Variants in ARMH1 observed in about 807,000 individuals in gnomAD.
ARMH1 encodes armadillo-like helical domain containing protein 1.
ARMH1 carries 34 observed loss-of-function variants against 50.2 expected under a neutral mutation model. That is an observed-to-expected ratio of 0.68 (90% CI 0.51 to 0.90). The LOEUF (loss-of-function observed/expected upper bound fraction) is 0.90. Among genes scored for constraint, ARMH1 ranks in the 40% least tolerant of loss-of-function variants. The pLI, the probability that ARMH1 is intolerant of heterozygous loss-of-function variation, is 0.00. For missense variants in ARMH1, 538 were observed against 553.9 expected, an observed-to-expected ratio of 0.97 and a Z score of 0.29; for synonymous variants, 221 against 224.2, an observed-to-expected ratio of 0.99 and a Z score of 0.13.
chr1:44,704,060 C>T, intron 5 of ARMH1, 29 bp from the exon 6 acceptor site: 1 of 1,512,256 alleles, frequency 6.6e-7, no homozygotes, highest in Non-Finnish European at 8.9e-7. Context: ...AAAAGACTAA[C>T]CACCTTGTCC....
At chr1:44,715,404 G>C (rs576059251) in intron 6 of ARMH1, among the ~76,000 whole-genome samples, 2 of 152,124 alleles carry the variant, frequency 1.3e-5, no homozygotes, top group South Asian at 4.1e-4. Flanking sequence ...TGGTTTCTTC[G>C]TCTATTCAAT....
At chr1:44,687,620 C>G (rs539916157) in intron 1 of ARMH1, among the ~76,000 whole-genome samples, 4 of 152,286 alleles carry the variant, frequency 2.6e-5, no homozygotes, top group Non-Finnish European at 5.9e-5. Flanking sequence ...CCCAGTCTGA[C>G]TCCAGATCTC....
Position 44,724,613 on chromosome 1 carries a change from C to G in ARMH1, c.995C>G (p.Ala332Gly). Residue 332 changes from alanine to glycine, a missense_variant, in exon 9 of 12, where the codon GCC becomes GGC. Ala to Gly is a moderately conservative substitution (Grantham distance 60, BLOSUM62 0). Coordinates refer to ENST00000535358, the MANE Select transcript of ARMH1 (RefSeq NM_001145636.2). The surrounding 1 kb of genome is among the most constrained non-coding windows in gnomAD (Gnocchi z 6.4). ...CGCGTGGTGCGTGGCCTAATGGCCG[C>G]CATGGGCAACACGGACCACAGCAAC... ...YLRVVRGLMA[A>G]MGNTDHSNSQ... 6.6e-7 allele frequency: 1 copy of G among 1,515,182 alleles called. No individual in the cohort carries two copies. The highest frequency in any genetic ancestry group is 8.8e-7 in the Non-Finnish European group (1 of 1,134,846). 93.9% of individuals were successfully genotyped at this position (1,515,182 alleles called of 1,614,324 possible). A position where few individuals can be genotyped will look rare whatever the true frequency, so the allele number is the denominator to read the frequency against.
chr1:44,712,861 A>C (rs1404152104), intron 6 of ARMH1, among the ~76,000 whole-genome samples: 1 of 151,880 alleles, frequency 6.6e-6, no homozygotes, highest in African/African-American at 2.4e-5. Context: ...ACAGGGTTTC[A>C]CCGTGTTGGT....
intron 6 of ARMH1, among the ~76,000 whole-genome samples, chr1:44,710,221 T>G (rs565716928): frequency 1.3e-5 from 2 of 152,128 alleles, no homozygotes; most frequent in South Asian, 4.2e-4. Flanking sequence ...GAGAGACTGG[T>G]GGTCGCAAGA....
chr1:44,721,498 A>C (rs1209503770), intron 6 of ARMH1, among the ~76,000 whole-genome samples: 4 of 151,348 alleles, frequency 2.6e-5, no homozygotes, highest in Non-Finnish European at 5.9e-5. Flanking sequence ...GACTGTCAAA[A>C]ACTAGGTTTT....
At chr1:44,708,716 C>T (rs1412911875) in intron 6 of ARMH1, among the ~76,000 whole-genome samples, 1 of 152,076 alleles carries the variant, frequency 6.6e-6, no homozygotes, top group Admixed American at 6.6e-5. Context: ...CTGGTGGTGT[C>T]ACCTCCTTTT....
At chr1:44,716,208 G>A (rs890603696) in intron 6 of ARMH1, among the ~76,000 whole-genome samples, 33 of 151,138 alleles carry the variant, frequency 2.2e-4, no homozygotes, top group African/African-American at 7.3e-4. Flanking sequence ...ATGGCACCTC[G>A]TCCGCTCCCA....
At position 44,682,602 on chromosome 1, in the gene ARMH1, G is replaced by GTGAA. The variant is rs1645347202; in HGVS notation, c.-22-7073_-22-7070dup. Among the ~76,000 whole-genome samples, 1 of 152,138 alleles carries GTGAA rather than the reference G, an allele frequency of 6.6e-6. No individual in the cohort carries two copies. Among genetic ancestry groups the GTGAA allele is most frequent in the Admixed American group, 6.5e-5 (1 of 15,274 alleles). Reference sequence around the variant, plus strand: ...AGGAACCACTGAAGAGTTTGAAGCAGTGAAATCTGTCAGATTTGTACTTTT... The same window carrying GTGAA: ...AGGAACCACTGAAGAGTTTGAAGCAGTGAATGAAATCTGTCAGATTTGTACTTTT... On this transcript the variant is annotated intron_variant, in intron 1 of 11. Transcript: ENST00000535358. This position sits in a 1 kb window ranked among gnomAD's most constrained non-coding sequence, Gnocchi z 4.5.
At position 44,716,118 on chromosome 1, in the gene ARMH1, A is replaced by G. The variant is rs1646839985; in HGVS notation, c.725-8004A>G. ...GCTTCTCGGTCTTTTATACATTCCC[A>G]TTCCTCTACCAGTCTCCTAGGTGTC... On this transcript the variant is annotated intron_variant, in intron 6 of 11. Coordinates refer to ENST00000535358, the MANE Select transcript of ARMH1 (RefSeq NM_001145636.2). Among the ~76,000 whole-genome samples the G allele has an allele frequency of 4.0e-5, 6 of 150,388 alleles. No individual in the cohort carries two copies. The South Asian group carries it at 1.3e-3, about 32-fold the overall frequency.
At position 44,725,304 on chromosome 1, in the gene ARMH1, T is replaced by C. The variant is rs1335476180; in HGVS notation, c.1224T>C (p.His408=). 1 of 1,551,718 alleles carries C rather than the reference T, an allele frequency of 6.4e-7. No individual in the cohort carries two copies. Among genetic ancestry groups the C allele is most frequent in the Non-Finnish European group, 8.7e-7 (1 of 1,147,020 alleles). Residue 408 remains histidine, a synonymous_variant, in exon 12 of 12, where the codon CAT becomes CAC. Coordinates refer to ENST00000535358, the MANE Select transcript of ARMH1 (RefSeq NM_001145636.2). ...TVNVTKALCL[H]GSSYSMNTLY... Reference sequence around the variant, plus strand: ...TCCTGCCTGCAGCCCTGTGCCTCCATGGCAGCTCCTACAGCATGAACACTC... The same window carrying C: ...TCCTGCCTGCAGCCCTGTGCCTCCACGGCAGCTCCTACAGCATGAACACTC...
Position 44,724,095 on chromosome 1 carries a change from C to T in ARMH1, c.725-27C>T, listed in dbSNP as rs1360750505. On this transcript the variant is annotated intron_variant, in intron 6 of 11. Transcript: ENST00000535358. This position sits in a 1 kb window ranked among gnomAD's most constrained non-coding sequence, Gnocchi z 6.4. ...TCGGTGGCGGAGGGGCCTGGGGCCTCTCTCCAGCACCTCTGCCCTTCCGCA... is the reference window on the plus strand; with the variant it reads ...TCGGTGGCGGAGGGGCCTGGGGCCTTTCTCCAGCACCTCTGCCCTTCCGCA... 1 of 1,545,262 alleles carries T rather than the reference C, an allele frequency of 6.5e-7. No homozygotes were observed.
chr1:44,695,265 A>G (rs1470333243), intron 2 of ARMH1, among the ~76,000 whole-genome samples: 1 of 152,176 alleles, frequency 6.6e-6, no homozygotes, highest in East Asian at 1.9e-4. Context: ...TGGAAATGCT[A>G]ATAGCACCCA....
In ARMH1 at chr1:44,724,813, G is replaced by C; in HGVS notation, c.1102G>C (p.Gly368Arg). Reference sequence around the variant, plus strand: ...GGCGGAGCACGTGCGCAAGTGCATGGGGGAGGAACTCTACCAGCTCTTCCT... The same window carrying C: ...GGCGGAGCACGTGCGCAAGTGCATGCGGGAGGAACTCTACCAGCTCTTCCT... ...LVAEHVRKCMGEELYQLFLSN... is the reference protein window; with the variant it reads ...LVAEHVRKCMREELYQLFLSN... Residue 368 changes from glycine (G) to arginine (R), a missense_variant, in exon 10 of 12, where the codon GGG (glycine) becomes CGG (arginine). Physicochemically the swap from Gly to Arg is moderately radical, Grantham distance 125 (BLOSUM62 -2). Transcript: ENST00000535358. The surrounding 1 kb of genome is among the most constrained non-coding windows in gnomAD (Gnocchi z 6.4). 6.5e-7 allele frequency: 1 copy of C among 1,542,950 alleles called. No individual in the cohort carries two copies. The highest frequency in any genetic ancestry group is 8.7e-7 in the Non-Finnish European group (1 of 1,146,766).
intron 6 of ARMH1, among the ~76,000 whole-genome samples, chr1:44,712,070 T>C (rs1313755835): frequency 6.6e-6 from 1 of 152,160 alleles, no homozygotes; most frequent in African/African-American, 2.4e-5. Context: ...CTTGCCTTGT[T>C]TTTACCAGCT....
chr1:44,704,247 C>G, intron 6 of ARMH1, 74 bp downstream of exon 6: 1 of 1,110,792 alleles, frequency 9.0e-7, no homozygotes, highest in Non-Finnish European at 1.3e-6. Flanking sequence ...TTCTCTTAGT[C>G]ACAAAGAGCC....
chr1:44,697,448 C>T (rs1645866119), intron 3 of ARMH1, among the ~76,000 whole-genome samples: 1 of 152,164 alleles, frequency 6.6e-6, no homozygotes, highest in Admixed American at 6.5e-5. Flanking sequence ...TAGTGGCTCA[C>T]TTAACTGGAA....
At chr1:44,718,616 G>A (rs536315184) in intron 6 of ARMH1, among the ~76,000 whole-genome samples, 1 of 152,212 alleles carries the variant, frequency 6.6e-6, no homozygotes, top group Non-Finnish European at 1.5e-5. Context: ...TTCCAAAATA[G>A]GACCACATCT....
intron 2 of ARMH1, among the ~76,000 whole-genome samples, chr1:44,692,490 C>T (rs1645690596): frequency 6.6e-6 from 1 of 152,108 alleles, no homozygotes; most frequent in African/African-American, 2.4e-5. Flanking sequence ...GGGCAAGAAT[C>T]GCATCTGTTC....
Sources: gnomAD v4.1 joint callset for allele counts (sites outside exome capture counted in the v4.1 genomes callset) on GRCh38, gnomAD v4.1.1 for gene constraint, Gnocchi (gnomAD v3.1) non-coding constraint, MANE v1.5 for transcripts, NCBI Gene and HGNC (gene_info 2026-07-23, HGNC 2026-07-21) for gene names.